WWOX: variants seen among roughly 807,000 people sequenced by gnomAD.
The protein encoded by WWOX is WW domain containing oxidoreductase.
A neutral mutation model predicts 46.2 loss-of-function variants in WWOX; 69 were observed. That is an observed-to-expected ratio of 1.49 (90% CI 1.23 to 1.82). The LOEUF (loss-of-function observed/expected upper bound fraction) is 1.82, where lower values mean the gene tolerates loss of function less well. Among genes scored for constraint, WWOX ranks in the 40% most tolerant of loss-of-function variants. WWOX has a pLI of 0.00. For synonymous variants in WWOX, 359 were observed against 202.6 expected (o/e 1.77, Z -6.56); for missense variants, 919 against 542.6 (o/e 1.69, Z -6.89).
intron 5 of WWOX, among the ~76,000 whole-genome samples, chr16:78,361,923 T>C (rs185405057): frequency 4.0e-4 from 61 of 152,112 alleles, no homozygotes; most frequent in African/African-American, 1.4e-3. Context: ...CTCCCCCGTT[T>C]ATTTCTGATT....
At chr16:78,893,334 G>T (rs148986252) in intron 8 of WWOX, among the ~76,000 whole-genome samples, 8 of 152,230 alleles carry the variant, frequency 5.3e-5, no homozygotes, top group African/African-American at 1.9e-4. Flanking sequence ...CCTTTCGCCT[G>T]TCCCCTCTCA....
rs144078913 is a variant in WWOX at position 79,047,866 on chromosome 16, T to C, written c.1057-163742T>C. 1.2e-4 allele frequency among the ~76,000 whole-genome samples: 18 copies of C among 151,946 alleles called. No individual in the cohort carries two copies. The East Asian group carries it at 2.9e-3, about 25-fold the overall frequency. On this transcript the variant is annotated intron_variant, in intron 8 of 8. Coordinates refer to ENST00000566780, the MANE Select transcript of WWOX (RefSeq NM_016373.4). ...CATGAATGAAGGAAAGAAAGAAATC[T>C]GACAACTCATTGATTCAGATTCACA...
At chr16:78,620,961 T>C (rs1277430680) in intron 8 of WWOX, among the ~76,000 whole-genome samples, 3 of 152,198 alleles carry the variant, frequency 2.0e-5, no homozygotes, top group Admixed American at 6.5e-5. Flanking sequence ...AGCATCTCAC[T>C]GTATTTTTAG....
intron 5 of WWOX, among the ~76,000 whole-genome samples, chr16:78,203,753 G>T (rs530078434): frequency 1.3e-4 from 20 of 152,292 alleles, no homozygotes; most frequent in African/African-American, 4.6e-4. Context: ...CAATGTTCAA[G>T]AAGGTCTTGG....
intron 8 of WWOX, among the ~76,000 whole-genome samples, chr16:78,826,433 C>T (rs1202182513): frequency 6.6e-6 from 1 of 152,218 alleles, no homozygotes. Context: ...ACTTTGGAGG[C>T]TCTAGCTAAG....
intron 8 of WWOX, chr16:78,534,362 G>A (rs2151517068): frequency 6.6e-6 from 1 of 152,294 alleles, no homozygotes; most frequent in South Asian, 2.1e-4. Flanking sequence ...AATCCCCTTT[G>A]TATTTTAAAA....
intron 8 of WWOX, among the ~76,000 whole-genome samples, chr16:78,441,427 T>G (rs1203607674): frequency 6.6e-6 from 1 of 152,162 alleles, no homozygotes; most frequent in South Asian, 2.1e-4. Flanking sequence ...GATTATAGTT[T>G]AGAATGTGTA....
At position 78,632,429 on chromosome 16, in the gene WWOX, C is replaced by T. The variant is rs187628763; in HGVS notation, c.1056+199677C>T. 5.4e-3 allele frequency among the ~76,000 whole-genome samples: 825 copies of T among 151,920 alleles called. 4 individuals carry two copies. Among genetic ancestry groups the T allele is most frequent in the Non-Finnish European group, 5.7e-3 (387 of 67,986 alleles). ...TCTTTTGGGCTTTCCTACTTAACGTCGCAGATGTTATTTTTTTGAAGAGGG... is the reference window on the plus strand; with the variant it reads ...TCTTTTGGGCTTTCCTACTTAACGTTGCAGATGTTATTTTTTTGAAGAGGG... On this transcript the variant is annotated intron_variant, in intron 8 of 8. Transcript: ENST00000566780.
intron 8 of WWOX, among the ~76,000 whole-genome samples, chr16:78,657,319 A>G (rs1298755878): frequency 6.6e-6 from 1 of 152,126 alleles, no homozygotes; most frequent in Non-Finnish European, 1.5e-5. Context: ...ACAGATGGGA[A>G]GAAAATGAGG....
intron 8 of WWOX, among the ~76,000 whole-genome samples, chr16:78,483,714 A>G (rs758852775): frequency 1.8e-4 from 27 of 152,234 alleles, no homozygotes; most frequent in Non-Finnish European, 3.7e-4. Flanking sequence ...CAAGATACTA[A>G]TTCTTTTTTT....
chr16:78,317,350 A>G (rs1720509848), intron 5 of WWOX, among the ~76,000 whole-genome samples: 2 of 151,994 alleles, frequency 1.3e-5, no homozygotes, highest in South Asian at 4.2e-4. Context: ...TTTCTTCCCC[A>G]GGGGTGATTG....
chr16:78,650,959 T>C (rs530998309), intron 8 of WWOX, among the ~76,000 whole-genome samples: 15 of 152,360 alleles, frequency 9.8e-5, no homozygotes, highest in African/African-American at 3.6e-4. Context: ...CTTATCGTAA[T>C]GTGATTCTCC....
intron 5 of WWOX, among the ~76,000 whole-genome samples, chr16:78,329,317 G>C (rs1043795435): frequency 6.6e-6 from 1 of 152,174 alleles, no homozygotes; most frequent in African/African-American, 2.4e-5. Context: ...GGCATTTGGG[G>C]AAGGGCTCTC....
chr16:78,372,610 G>A (rs75987133), intron 5 of WWOX, among the ~76,000 whole-genome samples: 5,641 of 152,212 alleles, frequency 0.037, 335 homozygotes, highest in African/African-American at 0.13. Context: ...CTAGAGAAGG[G>A]TTACTCTCCT....
At chr16:78,413,098 T>A (rs982794795) in intron 6 of WWOX, among the ~76,000 whole-genome samples, 5 of 152,164 alleles carry the variant, frequency 3.3e-5, no homozygotes, top group Non-Finnish European at 7.3e-5. Flanking sequence ...CAGAGCTGAT[T>A]TATCAAGACG....
intron 5 of WWOX, among the ~76,000 whole-genome samples, chr16:78,261,499 C>T (rs1404434406): frequency 6.7e-6 from 1 of 150,358 alleles, no homozygotes; most frequent in Middle Eastern, 3.4e-3. Flanking sequence ...ACTCAAATTC[C>T]ATTTCTCTTC....
At chr16:78,801,622 A>G (rs533586057) in intron 8 of WWOX, among the ~76,000 whole-genome samples, 31 of 152,296 alleles carry the variant, frequency 2.0e-4, no homozygotes, top group African/African-American at 7.0e-4. Flanking sequence ...ACCCCACATT[A>G]ACAATTTCTC....
chr16:78,260,484 G>C (rs2038250677), intron 5 of WWOX, among the ~76,000 whole-genome samples: 1 of 151,328 alleles, frequency 6.6e-6, no homozygotes, highest in Non-Finnish European at 1.5e-5. Context: ...GGCCAACATG[G>C]TAAAACCCTG....
intron 5 of WWOX, among the ~76,000 whole-genome samples, chr16:78,208,385 A>G (rs1431632405): frequency 1.3e-5 from 2 of 152,226 alleles, no homozygotes; most frequent in Non-Finnish European, 2.9e-5. Flanking sequence ...ATAAAAACAT[A>G]CCGTTACATA....
Sources: gnomAD v4.1 joint callset for allele counts (sites outside exome capture counted in the v4.1 genomes callset) on GRCh38, gnomAD v4.1.1 for gene constraint, MANE v1.5 for transcripts, NCBI Gene and HGNC (gene_info 2026-07-23, HGNC 2026-07-21) for gene names.